UBR3: variants seen among roughly 807,000 people sequenced by gnomAD.
UBR3 encodes the protein ubiquitin protein ligase E3 component n-recognin 3.
In UBR3, 85 loss-of-function variants were observed where a neutral mutation model predicts 243.2. The observed-to-expected ratio is 0.35, with a 90% confidence interval of 0.29 to 0.42. The LOEUF (loss-of-function observed/expected upper bound fraction) is 0.42. Among genes scored for constraint, UBR3 ranks in the 10% least tolerant of loss-of-function variants. UBR3 has a pLI of 1.00. For synonymous variants in UBR3, 748 were observed against 799.8 expected (o/e 0.94, Z 1.09); for missense variants, 1,686 against 2,300.8 (o/e 0.73, Z 5.47).
At chr2:170,066,446 T>C (rs1253704382) in intron 35 of UBR3, among the ~76,000 whole-genome samples, 1 of 152,236 alleles carries the variant, frequency 6.6e-6, no homozygotes, top group Non-Finnish European at 1.5e-5. Flanking sequence ...TAAAGTAGTT[T>C]GTGTATGTGC....
At chr2:169,864,925 A>G (rs1429328107) in intron 1 of UBR3, among the ~76,000 whole-genome samples, 1 of 150,548 alleles carries the variant, frequency 6.6e-6, no homozygotes, top group Non-Finnish European at 1.5e-5. Flanking sequence ...AAAAAAAAAA[A>G]AAAAGAAAGA....
chr2:169,957,549 C>G (rs1171152510), intron 23 of UBR3, among the ~76,000 whole-genome samples: 1 of 133,010 alleles, frequency 7.5e-6, no homozygotes, highest in African/African-American at 2.9e-5. Context: ...ACATCACACA[C>G]CAGGGCCTGT....
At chr2:169,881,963 C>T (rs1559053895) in intron 5 of UBR3, among the ~76,000 whole-genome samples, 8 of 104,754 alleles carry the variant, frequency 7.6e-5, no homozygotes, top group African/African-American at 1.7e-4. Context: ...TGTATACATA[C>T]ATATGTAATT....
At chr2:169,953,101 T>G (rs2087112484) in intron 23 of UBR3, among the ~76,000 whole-genome samples, 1 of 152,182 alleles carries the variant, frequency 6.6e-6, no homozygotes, top group Middle Eastern at 3.2e-3. Flanking sequence ...CTGGAGGACA[T>G]AGTTTAGATG....
Position 169,949,989 on chromosome 2 carries a change from T to C in UBR3, c.3469T>C (p.Cys1157Arg), listed in dbSNP as rs759861635. ...RMNKRIIEEICRKVTPPVPPK... is the reference protein window; with the variant it reads ...RMNKRIIEEIRRKVTPPVPPK... ...GAACAAACGCATCATTGAAGAGATA[T>C]GTAGAAAAGTGACCCCTCCTGTACC... is the stretch of plus-strand genomic sequence containing the variant. The change falls in exon 23 of 39, where the codon TGT becomes CGT. Residue 1157 changes from cysteine to arginine, a missense_variant. Transcript: ENST00000272793. 1.9e-6 allele frequency: 3 copies of C among 1,613,296 alleles called. No homozygotes were observed. Among genetic ancestry groups the C allele is most frequent in the South Asian group, 2.2e-5 (2 of 90,974 alleles).
At chr2:170,066,993 T>TAATAATAATAATAATAATAAA (rs71006067) in intron 35 of UBR3, among the ~76,000 whole-genome samples, 12,938 of 143,978 alleles carry the variant, frequency 0.09, 609 homozygotes, top group Non-Finnish European at 0.12. Context: ...ATAATAATAA[T>TAATAATAATAATAATAATAAA]AAACTTCATT....
intron 26 of UBR3, among the ~76,000 whole-genome samples, chr2:169,997,556 T>C (rs1318841254): frequency 7.9e-5 from 12 of 151,980 alleles, no homozygotes. Flanking sequence ...ACAACTCTTT[T>C]CATTTCCGCT....
At chr2:170,073,736 A>T (rs1314946689) in intron 36 of UBR3, 129 bp downstream of exon 36, 3 of 970,058 alleles carry the variant, frequency 3.1e-6, no homozygotes, top group Non-Finnish European at 4.4e-6. Context: ...AAATTGAAAA[A>T]ATTGTTTACT....
Position 170,061,333 on chromosome 2 carries a change from T to C in UBR3, c.4909T>C (p.Trp1637Arg), listed in dbSNP as rs1045156433. The C allele has an allele frequency of 6.2e-7, 1 of 1,614,128 alleles. No individual in the cohort carries two copies. The highest frequency in any genetic ancestry group is 8.5e-7 in the Non-Finnish European group (1 of 1,179,984). Residue 1637 changes from tryptophan (W) to arginine (R), a missense_variant, in exon 35 of 39, where the codon TGG (tryptophan) becomes CGG (arginine). Around this residue, in one of 8 missense-constraint regions of UBR3, gnomAD observed 371 missense variants for 422.5 expected, o/e 0.88. Coordinates refer to ENST00000272793, the MANE Select transcript of UBR3 (RefSeq NM_172070.4). ...QECAMVNPIA[W>R]SPESMEKCLQ... ...TTAACTTTAGGTTAACCCTATTGCT[T>C]GGTCTCCTGAATCCATGGAAAAATG...
intron 8 of UBR3, among the ~76,000 whole-genome samples, chr2:169,903,300 C>T (rs1314449571): frequency 6.6e-6 from 1 of 152,110 alleles, no homozygotes; most frequent in Non-Finnish European, 1.5e-5. Context: ...TTATATTCTG[C>T]TTATTCATCC....
rs181867105 is a variant in UBR3 at position 169,832,316 on chromosome 2, C to T, written c.545+4264C>T. ...CTGCAATCCCAGCACTTTGGGAGGC[C>T]GAGGTGGGCAGATCACGAAGTCAGG... is the stretch of plus-strand genomic sequence containing the variant. On this transcript the variant is annotated intron_variant, in intron 1 of 38. Transcript: ENST00000272793. Among the ~76,000 whole-genome samples, 567 of 151,962 alleles carry T rather than the reference C, an allele frequency of 3.7e-3. 1 individual carries two copies. Among genetic ancestry groups the T allele is most frequent in the Non-Finnish European group, 6.3e-3 (425 of 67,974 alleles).
At position 169,931,971 on chromosome 2, in the gene UBR3, C is replaced by T. The variant is rs1409410458; in HGVS notation, c.2567-941C>T. Among the ~76,000 whole-genome samples the T allele has an allele frequency of 2.0e-5, 3 of 152,000 alleles. 1 individual carries two copies. Among genetic ancestry groups the T allele is most frequent in the Non-Finnish European group, 4.4e-5 (3 of 68,014 alleles). On this transcript the variant is annotated intron_variant, in intron 18 of 38. Coordinates refer to ENST00000272793, the MANE Select transcript of UBR3 (RefSeq NM_172070.4). Reference sequence around the variant, plus strand: ...CACAAGATAGTGGTTCCTAATTATGCAGAAGGTAAGAAGACAAATTATCAG... The same window carrying T: ...CACAAGATAGTGGTTCCTAATTATGTAGAAGGTAAGAAGACAAATTATCAG...
At chr2:170,065,921 AG>A (rs1220135030) in intron 35 of UBR3, among the ~76,000 whole-genome samples, 1 of 150,970 alleles carries the variant, frequency 6.6e-6, no homozygotes, top group East Asian at 1.9e-4. Context: ...AGTGATAGGT[AG>A]TGCCCTACCC....
rs751976067 is a variant in UBR3, at chr2:170,074,130, T to C, written c.5199+523T>C. 4.3e-4 allele frequency among the ~76,000 whole-genome samples: 66 copies of C among 152,126 alleles called. 1 individual carries two copies. Among genetic ancestry groups the C allele is most frequent in the Non-Finnish European group, 8.1e-4 (55 of 68,016 alleles). ...ATTCTAGAACTACAGTTTTTTAAAA[T>C]TGAATAATGTGATGAAAGTAGTATT... On this transcript the variant is annotated intron_variant, in intron 36 of 38. Transcript: ENST00000272793.
intron 35 of UBR3, among the ~76,000 whole-genome samples, chr2:170,072,906 T>C (rs2091730127): frequency 1.3e-5 from 2 of 152,168 alleles, no homozygotes; most frequent in East Asian, 3.8e-4. Flanking sequence ...TCTGGTACTT[T>C]TATTAGCAAA....
At chr2:170,036,160 T>A (rs1197194678) in intron 31 of UBR3, among the ~76,000 whole-genome samples, 2 of 152,080 alleles carry the variant, frequency 1.3e-5, no homozygotes, top group Non-Finnish European at 2.9e-5. Flanking sequence ...TAACTTTTAT[T>A]TCCTTTTCTT....
chr2:169,889,830 T>C (rs2084256335), intron 5 of UBR3, among the ~76,000 whole-genome samples: 1 of 152,144 alleles, frequency 6.6e-6, no homozygotes, highest in African/African-American at 2.4e-5. Flanking sequence ...CACCAGTAAA[T>C]AGAGCTCCAG....
chr2:169,905,343 G>T, intron 9 of UBR3, 50 bp downstream of exon 9: 1 of 1,328,578 alleles, frequency 7.5e-7, no homozygotes, highest in Admixed American at 3.2e-5. Context: ...AATTCCTAAT[G>T]CTAAATTATT....
chr2:170,072,625 TTTACAAGATTTGAAGGACTAA>T (rs1242625951), intron 35 of UBR3, among the ~76,000 whole-genome samples: 1 of 151,974 alleles, frequency 6.6e-6, no homozygotes, highest in Admixed American at 6.6e-5. Context: ...AATAAAAGTG[TTTACAAGATTTGAAGGACTAA>T]TTATATCTGA....
Sources: allele counts gnomAD v4.1 joint callset (sites outside exome capture counted in the v4.1 genomes callset), GRCh38; gene constraint gnomAD v4.1.1; regional missense constraint gnomAD v4.1.1; transcripts MANE v1.5; gene names NCBI Gene and HGNC (gene_info 2026-07-23, HGNC 2026-07-21).